CCDC25: variants seen among roughly 807,000 people sequenced by gnomAD.
The protein encoded by CCDC25 is coiled-coil domain-containing protein 25.
A neutral mutation model predicts 35.3 loss-of-function variants in CCDC25; 16 were observed. The ratio of observed to expected loss-of-function variants is 0.45; its 90% confidence interval spans 0.31 to 0.69. The LOEUF (loss-of-function observed/expected upper bound fraction) is 0.69. CCDC25 is among the 30% of genes least tolerant of loss of function. The probability of loss-of-function intolerance (pLI) is 0.06; values close to 1 mark genes in which losing one functional copy is unlikely to be tolerated. For missense variants in CCDC25, 179 were observed against 250.7 expected, an observed-to-expected ratio of 0.71 and a Z score of 1.93; for synonymous variants, 79 against 80.3, an observed-to-expected ratio of 0.98 and a Z score of 0.09.
intron 5 of CCDC25, among the ~76,000 whole-genome samples, chr8:27,748,845 G>A (rs1485832445): frequency 6.6e-6 from 1 of 152,180 alleles, no homozygotes; most frequent in South Asian, 2.1e-4. Flanking sequence ...AGGGACTTCT[G>A]AGGACTCTCT....
chr8:27,760,714 C>T lies in CCDC25; in HGVS notation c.116+1705G>A, dbSNP rs151329766. 7.9e-3 allele frequency among the ~76,000 whole-genome samples: 1,203 copies of T among 152,320 alleles called. 16 individuals are homozygous for T. The highest frequency in any genetic ancestry group is 0.027 in the African/African-American group (1,139 of 41,564). On this transcript the variant is annotated intron_variant, in intron 3 of 8. Coordinates refer to ENST00000356537, the MANE Select transcript of CCDC25 (RefSeq NM_018246.3). ...CCCAGTCTGGATGTTTTCAGCATTG[C>T]ACACTGCCCACTTGAGGCAAAAGAG...
At chr8:27,739,566 T>C (rs909011112) in intron 8 of CCDC25, among the ~76,000 whole-genome samples, 3 of 152,154 alleles carry the variant, frequency 2.0e-5, no homozygotes, top group African/African-American at 7.2e-5. Flanking sequence ...AACAACTATT[T>C]ACATAGCATT....
chr8:27,739,108 C>T (rs1033630121), intron 8 of CCDC25, among the ~76,000 whole-genome samples: 3 of 152,166 alleles, frequency 2.0e-5, no homozygotes, highest in Non-Finnish European at 2.9e-5. Context: ...ACCACTGTGA[C>T]AACGTTCCCT....
Position 27,772,584 on chromosome 8 carries a change from C to A in CCDC25, c.-44G>T, listed in dbSNP as rs1045271214. The A allele has an allele frequency of 8.4e-6, 13 of 1,541,308 alleles. No individual in the cohort carries two copies. Among genetic ancestry groups the A allele is most frequent in the South Asian group, 1.2e-5 (1 of 83,718 alleles). ...GTGACTCCACCGCGGAGCAGCAGCG[C>A]TCAACTCACGAAGCTCAGGATACCA... On this transcript the variant is annotated 5_prime_UTR_variant, in exon 1 of 9. Transcript: ENST00000356537.
chr8:27,747,175 T>C (rs1209107193), intron 7 of CCDC25, among the ~76,000 whole-genome samples: 3 of 152,226 alleles, frequency 2.0e-5, no homozygotes, highest in Non-Finnish European at 4.4e-5. Flanking sequence ...AAATATGTTA[T>C]CTTCTATGGC....
intron 2 of CCDC25, among the ~76,000 whole-genome samples, chr8:27,763,996 G>A (rs1804315938): frequency 6.6e-6 from 1 of 152,146 alleles, no homozygotes; most frequent in South Asian, 2.1e-4. Context: ...CCTCAGTCAG[G>A]CAAAGTTTGG....
intron 1 of CCDC25, among the ~76,000 whole-genome samples, chr8:27,769,859 T>C (rs1455881280): frequency 1.3e-5 from 2 of 152,214 alleles, no homozygotes; most frequent in Non-Finnish European, 2.9e-5. Flanking sequence ...TCTTACCTTT[T>C]GGCTGAGCGT....
chr8:27,765,385 C>T, intron 1 of CCDC25, 134 bp from the exon 2 acceptor site: 1 of 696,124 alleles, frequency 1.4e-6, no homozygotes, highest in Non-Finnish European at 2.2e-6. Context: ...AGCCTACCAC[C>T]TGTTTTTGGA....
intron 7 of CCDC25, among the ~76,000 whole-genome samples, chr8:27,747,406 A>C (rs191558511): frequency 6.6e-6 from 1 of 152,366 alleles, no homozygotes; most frequent in Non-Finnish European, 1.5e-5. Flanking sequence ...TAGTGCCTCC[A>C]GACACTTTGA....
chr8:27,753,329 C>T (rs548102632), intron 4 of CCDC25, among the ~76,000 whole-genome samples: 2 of 152,290 alleles, frequency 1.3e-5, no homozygotes, highest in Admixed American at 1.3e-4. Flanking sequence ...TTTCCAACTT[C>T]CTTGGTACCT....
Position 27,733,595 on chromosome 8 carries a change from AG to A in CCDC25, c.*2620del. The A allele has an allele frequency of 6.6e-6, 1 of 152,278 alleles. No homozygotes were observed. Among genetic ancestry groups the A allele is most frequent in the Middle Eastern group, 3.4e-3 (1 of 294 alleles). The allele number at this position is 152,278 out of a possible 1,614,324, so 9.4% of individuals were successfully genotyped here. ...AAGCTGAAATTTAGCTTGGAATTTAAGTTTCTAATTTTATACTTTTCATTGT... is the reference window on the plus strand; with the variant it reads ...AAGCTGAAATTTAGCTTGGAATTTAATTTCTAATTTTATACTTTTCATTGT... On this transcript the variant is annotated 3_prime_UTR_variant, in exon 9 of 9. Transcript: ENST00000356537.
chr8:27,738,925 C>A (rs1803345832), intron 8 of CCDC25, among the ~76,000 whole-genome samples: 1 of 144,022 alleles, frequency 6.9e-6, no homozygotes, highest in South Asian at 2.3e-4. Context: ...AAAACAGCAA[C>A]CAAAGACTAT....
At chr8:27,755,374 A>C (rs6989497) in intron 4 of CCDC25, among the ~76,000 whole-genome samples, 133,012 of 152,238 alleles carry the variant, frequency 0.87, 58,261 homozygotes, top group Non-Finnish European at 0.9. Flanking sequence ...TAACCTGGTT[A>C]CAGAACATAT....
intron 4 of CCDC25, among the ~76,000 whole-genome samples, chr8:27,754,322 T>A (rs959977476): frequency 1.3e-5 from 2 of 151,996 alleles, no homozygotes; most frequent in African/African-American, 4.8e-5. Flanking sequence ...TATAGCAACA[T>A]AAAAGAGTTC....
intron 7 of CCDC25, 109 bp downstream of exon 7, chr8:27,747,968 T>A (rs1163468148): frequency 9.4e-7 from 1 of 1,067,792 alleles, no homozygotes; most frequent in African/African-American, 1.6e-5. Context: ...GCTGAGCTTG[T>A]TACATGTCCC....
In CCDC25 at chr8:27,748,403, C is replaced by A; in HGVS notation, c.348+92G>T. ...CCCTTTAGAAAACATATATCATGCT[C>A]AGCCCTCAACAACAATGGTGTCAGA... On this transcript the variant is annotated intron_variant, in intron 6 of 8. Transcript: ENST00000356537. 5.3e-6 allele frequency: 7 copies of A among 1,310,110 alleles called. 1 individual carries two copies. The highest frequency in any genetic ancestry group is 7.7e-6 in the Non-Finnish European group (7 of 912,024). The allele number at this position is 1,310,110 out of a possible 1,614,324, so 81.2% of individuals were successfully genotyped here.
At chr8:27,753,449 G>A (rs1289807142) in intron 4 of CCDC25, among the ~76,000 whole-genome samples, 2 of 152,180 alleles carry the variant, frequency 1.3e-5, no homozygotes, top group African/African-American at 2.4e-5. Flanking sequence ...AGGGGCTCGT[G>A]CCTATAATCT....
intron 1 of CCDC25, among the ~76,000 whole-genome samples, 188 bp from the exon 2 acceptor site, chr8:27,765,439 G>GA (rs1025503800): frequency 1.1e-4 from 17 of 151,966 alleles, no homozygotes; most frequent in African/African-American, 3.9e-4. Flanking sequence ...TAAAGGGTTG[G>GA]AAAAAAAGCA....
chr8:27,752,812 A>T, intron 4 of CCDC25: 24 of 60,740 alleles, frequency 4.0e-4, no homozygotes, highest in Middle Eastern at 4.7e-3. Context: ...CTTAATAAGT[A>T]AAAAAAAAAA....
Sources: gnomAD v4.1 joint callset for allele counts (sites outside exome capture counted in the v4.1 genomes callset) on GRCh38, gnomAD v4.1.1 for gene constraint, MANE v1.5 for transcripts, NCBI Gene and HGNC (gene_info 2026-07-23, HGNC 2026-07-21) for gene names.